Variants in DNAJB1 observed in about 807,000 individuals in gnomAD.
DNAJB1 encodes dnaJ homolog subfamily B member 1.
Under a neutral mutation model 24.0 loss-of-function variants are expected in DNAJB1, and 14 were observed. That is an observed-to-expected ratio of 0.58 (90% CI 0.39 to 0.91). DNAJB1 has a LOEUF of 0.91. Among genes scored for constraint, DNAJB1 ranks in the 40% least tolerant of loss-of-function variants. The pLI, the probability that DNAJB1 is intolerant of heterozygous loss-of-function variation, is 0.00. For synonymous variants in DNAJB1, 262 were observed against 174.4 expected (o/e 1.50, Z -3.96); for missense variants, 517 against 458.1 (o/e 1.13, Z -1.17).
upstream of DNAJB1, among the ~76,000 whole-genome samples, chr19:14,521,753 C>T (rs950337894): frequency 2.6e-5 from 4 of 152,110 alleles, no homozygotes; most frequent in African/African-American, 9.7e-5. Flanking sequence ...TCCCAAGTAG[C>T]TAGGACTACA....
At chr19:14,517,300 G>A in intron 1 of DNAJB1, 1 of 490,322 alleles carries the variant, frequency 2.0e-6, no homozygotes, top group Non-Finnish European at 3.7e-6. Flanking sequence ...GTGCCACCTA[G>A]GCCCTGCCAC....
intron 1 of DNAJB1, among the ~76,000 whole-genome samples, chr19:14,535,394 G>C (rs747177766): frequency 1.6e-4 from 24 of 149,646 alleles, no homozygotes; most frequent in East Asian, 5.9e-4. Flanking sequence ...TGTAGTCCCA[G>C]CTACTTGGGA....
chr19:14,529,589 GC>G, upstream of DNAJB1: 1 of 1,562,678 alleles, frequency 6.4e-7, no homozygotes, highest in Non-Finnish European at 8.8e-7. Context: ...CGGACGCAGA[GC>G]CGCGTTTAGT....
intron 2 of DNAJB1, among the ~76,000 whole-genome samples, chr19:14,526,065 G>A (rs1568384874): frequency 6.6e-6 from 1 of 152,096 alleles, no homozygotes; most frequent in East Asian, 1.9e-4. Flanking sequence ...TGTGAGACAC[G>A]ACATTACCAA....
exon 1 of DNAJB1, among the ~76,000 whole-genome samples, chr19:14,560,085 C>T (rs1486715796): frequency 6.6e-6 from 1 of 152,202 alleles, no homozygotes; most frequent in South Asian, 2.1e-4. Flanking sequence ...GCCTGGGCAC[C>T]ACTGCTGCAG....
At chr19:14,557,880 C>T (rs1033500328) in intron 1 of DNAJB1, among the ~76,000 whole-genome samples, 41 of 151,908 alleles carry the variant, frequency 2.7e-4, no homozygotes, top group Non-Finnish European at 1.6e-4. Context: ...CTCAGCCTCC[C>T]GAGTAGCTGG....
chr19:14,548,758 G>C (rs985435005), intron 1 of DNAJB1, among the ~76,000 whole-genome samples: 11 of 151,944 alleles, frequency 7.2e-5, no homozygotes, highest in African/African-American at 2.4e-4. Flanking sequence ...TTGTATTTTG[G>C]TAGAGACGGG....
At chr19:14,526,688 T>C (rs1001248377) in intron 2 of DNAJB1, among the ~76,000 whole-genome samples, 1 of 152,170 alleles carries the variant, frequency 6.6e-6, no homozygotes, top group Non-Finnish European at 1.5e-5. Context: ...TATGGGAATA[T>C]GTATGGAATC....
rs779624471 is a variant in DNAJB1 at position 14,518,329 on chromosome 19, C to G, written c.21G>C (p.Gln7His). The G allele has an allele frequency of 6.3e-7, 1 of 1,599,692 alleles. No individual in the cohort carries two copies. The highest frequency in any genetic ancestry group is 8.5e-7 in the Non-Finnish European group (1 of 1,176,456). Residue 7 changes from glutamine to histidine, a missense_variant, in exon 1 of 3, where the codon CAG becomes CAC. Transcript: ENST00000254322. MGKDYY[Q>H]TLGLARGASD... is the part of the protein sequence containing the mutation. The stretch of plus-strand genomic sequence containing the variant: ...ACGCGCCGCGGGCCAGGCCCAACGT[C>G]TGGTAGTAGTCTTTACCCATGACCC...
upstream of DNAJB1, chr19:14,518,413 C>T (rs1049104078): frequency 7.4e-5 from 108 of 1,454,810 alleles, no homozygotes; most frequent in African/African-American, 1.4e-3. Context: ...CGACCAGTCC[C>T]GGACTCTATA....
At chr19:14,518,021 G>C in intron 1 of DNAJB1, 118 bp downstream of exon 1, 1 of 1,139,048 alleles carries the variant, frequency 8.8e-7, no homozygotes, top group Non-Finnish European at 1.2e-6. Flanking sequence ...GGAGGGCGGG[G>C]CAGCTCGGCC....
At chr19:14,559,312 G>A (rs1036828403) in intron 1 of DNAJB1, among the ~76,000 whole-genome samples, 7 of 152,016 alleles carry the variant, frequency 4.6e-5, no homozygotes, top group African/African-American at 1.7e-4. Flanking sequence ...AAAGGAGACC[G>A]GGTACCCAGC....
At chr19:14,527,993 C>T (rs1302199918) in intron 1 of DNAJB1, among the ~76,000 whole-genome samples, 9 of 151,706 alleles carry the variant, frequency 5.9e-5, no homozygotes, top group Admixed American at 2.6e-4. Flanking sequence ...CGGGTTCAAG[C>T]GATTCTCAGC....
chr19:14,539,762 A>G (rs1025030736), intron 1 of DNAJB1, among the ~76,000 whole-genome samples: 13 of 151,792 alleles, frequency 8.6e-5, no homozygotes, highest in African/African-American at 3.1e-4. Flanking sequence ...CTCAGCTTCC[A>G]TGTCCCCCAG....
rs566772231 is a variant in DNAJB1, at chr19:14,557,127, T to TTATGTATG, written c.-2165-2810_-2165-2809insCATACATA. On this transcript the variant is annotated intron_variant, in intron 1 of 5. Transcript: ENST00000679223. ...TGTTGGTCTAATCTTATTTATTTATTTATTTATTTATTTATTTATTTATTT... is the reference window on the plus strand; with the variant it reads ...TGTTGGTCTAATCTTATTTATTTATTTATGTATGTATTTATTTATTTATTTATTTATTT... Among the ~76,000 whole-genome samples the TTATGTATG allele has an allele frequency of 6.7e-5, 8 of 119,142 alleles. 1 individual carries two copies. The highest frequency in any genetic ancestry group is 4.9e-4 in the South Asian group (2 of 4,104). 78.2% of individuals were successfully genotyped at this position (119,142 alleles called of 152,430 possible).
At chr19:14,557,884 T>G (rs1599484349) in intron 1 of DNAJB1, among the ~76,000 whole-genome samples, 1 of 151,938 alleles carries the variant, frequency 6.6e-6, no homozygotes, top group East Asian at 1.9e-4. Context: ...GCCTCCCGAG[T>G]AGCTGGGACT....
At chr19:14,529,822 G>C (rs977329964), upstream of DNAJB1, 5 of 1,513,052 alleles carry the variant, frequency 3.3e-6, no homozygotes, top group Non-Finnish European at 4.6e-6. Context: ...GGAAGAGCCA[G>C]ACGGCGCAGG....
At chr19:14,523,210 A>T (rs747261573), upstream of DNAJB1, among the ~76,000 whole-genome samples, 1 of 150,892 alleles carries the variant, frequency 6.6e-6, no homozygotes, top group Non-Finnish European at 1.5e-5. Context: ...TGTCTCGAAA[A>T]GAAAAGAAAA....
intron 1 of DNAJB1, among the ~76,000 whole-genome samples, chr19:14,535,464 G>A (rs553409971): frequency 1.5e-3 from 178 of 118,902 alleles, no homozygotes; most frequent in African/African-American, 5.5e-3. Context: ...CCGAGATCGC[G>A]CCACTGCACT....
Sources: allele counts gnomAD v4.1 joint callset (sites outside exome capture counted in the v4.1 genomes callset), GRCh38; gene constraint gnomAD v4.1.1; transcripts MANE v1.5; gene names NCBI Gene and HGNC (gene_info 2026-07-23, HGNC 2026-07-21).